ATR: variants seen among roughly 807,000 people sequenced by gnomAD.
ATR encodes serine/threonine-protein kinase ATR.
In ATR, 142 loss-of-function variants were observed where a neutral mutation model predicts 305.3. That is an observed-to-expected ratio of 0.47 (90% CI 0.41 to 0.53). ATR has a LOEUF of 0.53. Among genes scored for constraint, ATR ranks in the 20% least tolerant of loss-of-function variants. The pLI, the probability that ATR is intolerant of heterozygous loss-of-function variation, is 0.00. For synonymous variants in ATR, 1,050 were observed against 1,068.1 expected, an observed-to-expected ratio of 0.98 and a Z score of 0.33; for missense variants, 2,135 against 3,133.1, an observed-to-expected ratio of 0.68 and a Z score of 7.60.
intron 17 of ATR, 74 bp from the exon 18 acceptor site, chr3:142,541,108 G>T: frequency 6.5e-7 from 1 of 1,541,754 alleles, no homozygotes; most frequent in African/African-American, 1.4e-5. Context: ...CTAAGGACAA[G>T]TGCTTCCCAC....
At chr3:142,521,917 G>A (rs1245871281) in intron 23 of ATR, among the ~76,000 whole-genome samples, 1 of 152,232 alleles carries the variant, frequency 6.6e-6, no homozygotes, top group Non-Finnish European at 1.5e-5. Context: ...GCAGTGGCAA[G>A]GTTTGAGAGG....
intron 36 of ATR, among the ~76,000 whole-genome samples, chr3:142,474,926 TG>T (rs1453534636): frequency 6.6e-6 from 1 of 152,058 alleles, no homozygotes; most frequent in African/African-American, 2.4e-5. Flanking sequence ...AAAAAAAGTT[TG>T]TTTTTTTTTA....
At chr3:142,507,161 A>T (rs1457951359) in intron 28 of ATR, among the ~76,000 whole-genome samples, 1 of 152,208 alleles carries the variant, frequency 6.6e-6, no homozygotes, top group East Asian at 1.9e-4. Context: ...TTTTCTAGTT[A>T]TTTTATCACA....
chr3:142,523,867 TA>T, intron 22 of ATR, 125 bp downstream of exon 22: 1 of 1,025,744 alleles, frequency 9.7e-7, no homozygotes, highest in Admixed American at 2.8e-5. Context: ...ACTCAGAAGT[TA>T]ACTGATTGTC....
chr3:142,461,567 CT>C (rs2071024014), intron 42 of ATR, among the ~76,000 whole-genome samples: 1 of 152,174 alleles, frequency 6.6e-6, no homozygotes, highest in Non-Finnish European at 1.5e-5. Context: ...TCTCTCCTTC[CT>C]TTCTCCAATA....
At chr3:142,457,098 A>G (rs530129551) in intron 45 of ATR, among the ~76,000 whole-genome samples, 1 of 152,360 alleles carries the variant, frequency 6.6e-6, no homozygotes, top group Admixed American at 6.5e-5. Flanking sequence ...GTATATCCAT[A>G]TAACAGGATA....
At chr3:142,516,995 A>G (rs1024692655) in intron 24 of ATR, among the ~76,000 whole-genome samples, 2 of 148,140 alleles carry the variant, frequency 1.4e-5, no homozygotes, top group Admixed American at 6.7e-5. Context: ...ATATATATAT[A>G]TATATATATA....
At position 142,547,753 on chromosome 3, in the gene ATR, G is replaced by C. The variant is rs746483302; in HGVS notation, c.3329C>G (p.Pro1110Arg). The change falls in exon 16 of 47, where the codon CCG becomes CGG. Residue 1110 changes from proline to arginine, a missense_variant. Transcript: ENST00000350721. ...CAGTTCAGGTGATATGATATCTCTC[G>C]GGCCCTGATATGGATCATCACTGGA... ...FASSDDPYQG[P>R]RDIISPELMA... is the part of the protein sequence containing the mutation. 2.5e-6 allele frequency: 4 copies of C among 1,613,734 alleles called. No individual in the cohort carries two copies. The highest frequency in any genetic ancestry group is 3.3e-5 in the Admixed American group (2 of 59,988).
chr3:142,557,245 C>T (rs1416902094), intron 8 of ATR, among the ~76,000 whole-genome samples: 3 of 151,992 alleles, frequency 2.0e-5, no homozygotes. Flanking sequence ...GGTGGCGATG[C>T]TACTGGTCTG....
intron 25 of ATR, among the ~76,000 whole-genome samples, chr3:142,514,449 G>C (rs1391262022): frequency 1.3e-5 from 2 of 151,776 alleles, no homozygotes; most frequent in African/African-American, 4.8e-5. Flanking sequence ...GGCTAACACG[G>C]TGAAACCCCG....
chr3:142,549,473 A>T lies in ATR; in HGVS notation c.3171+6T>A. The T allele has an allele frequency of 6.5e-7, 1 of 1,544,894 alleles. No individual in the cohort carries two copies. Among genetic ancestry groups the T allele is most frequent in the Non-Finnish European group, 8.8e-7 (1 of 1,141,784 alleles). Reference sequence around the variant, plus strand: ...AAAAGTAAAATATATAGAAATATTCAATTACCTTCAGATAATGAAGGGCAC... The same window carrying T: ...AAAAGTAAAATATATAGAAATATTCTATTACCTTCAGATAATGAAGGGCAC... On this transcript the variant is annotated splice_donor_region_variant and intron_variant, in intron 15 of 46. Transcript: ENST00000350721.
intron 46 of ATR, chr3:142,450,381 C>T: frequency 6.5e-7 from 1 of 1,528,442 alleles, no homozygotes; most frequent in South Asian, 1.2e-5. Flanking sequence ...TTTGCCAGAC[C>T]TTTATCAAAA....
At chr3:142,573,201 T>C (rs2035329698) in intron 1 of ATR, among the ~76,000 whole-genome samples, 1 of 151,440 alleles carries the variant, frequency 6.6e-6, no homozygotes, top group South Asian at 2.1e-4. Context: ...ATCACAGCAC[T>C]TTGGGAGGCT....
In ATR at chr3:142,522,812, A is replaced by G. The variant is rs2108396069; in HGVS notation, c.4182T>C (p.Tyr1394=). ...CTCTTGTTAGCTCCATCAATAATCC[A>G]TAGGCAAAGCTTGAATCTTCTACTC... is the stretch of plus-strand genomic sequence containing the variant. The part of the protein sequence containing the change: ...VTGVEDSSFA[Y]GLLMELTRAY... Residue 1394 remains tyrosine (Y), a synonymous_variant, in exon 23 of 47, where the codon TAT becomes TAC. Transcript: ENST00000350721. The G allele has an allele frequency of 6.2e-7, 1 of 1,613,532 alleles. No homozygotes were observed. The highest frequency in any genetic ancestry group is 8.5e-7 in the Non-Finnish European group (1 of 1,179,586).
chr3:142,467,687 G>A (rs1222102765), intron 39 of ATR, among the ~76,000 whole-genome samples: 1 of 151,606 alleles, frequency 6.6e-6, no homozygotes, highest in East Asian at 1.9e-4. Context: ...ATCTACTCTC[G>A]GAAAATTCTT....
intron 21 of ATR, among the ~76,000 whole-genome samples, chr3:142,529,802 T>C (rs926947826): frequency 1.3e-5 from 2 of 152,172 alleles, no homozygotes; most frequent in Non-Finnish European, 2.9e-5. Context: ...AATCTACTTT[T>C]TTTTCTCCTT....
chr3:142,465,075 TA>T, intron 41 of ATR, 21 bp downstream of exon 41: 1 of 1,381,268 alleles, frequency 7.2e-7, no homozygotes, highest in Non-Finnish European at 9.5e-7. Context: ...ATAAATAAAA[TA>T]AAAGCAAACT....
chr3:142,468,689 T>A (rs1174093758), intron 38 of ATR, among the ~76,000 whole-genome samples: 2 of 152,126 alleles, frequency 1.3e-5, no homozygotes. Flanking sequence ...GGTTTTTTAG[T>A]ATTAATAATT....
chr3:142,454,437 C>CTTTTTTTTGT (rs2070859502), intron 45 of ATR, among the ~76,000 whole-genome samples: 1 of 101,470 alleles, frequency 9.9e-6, no homozygotes, highest in African/African-American at 5.0e-5. Context: ...TGATAGACAG[C>CTTTTTTTTGT]TTTTTTTTTT....
Sources: allele counts gnomAD v4.1 joint callset (sites outside exome capture counted in the v4.1 genomes callset), GRCh38; gene constraint gnomAD v4.1.1; transcripts MANE v1.5; gene names NCBI Gene and HGNC (gene_info 2026-07-23, HGNC 2026-07-21).